The following NINL variants were observed in gnomAD, a reference collection of about 807,000 sequenced individuals.
NINL encodes the protein ninein like, also known as ninein-like protein.
NINL carries 153 observed loss-of-function variants against 160.3 expected under a neutral mutation model. The ratio of observed to expected loss-of-function variants is 0.95; its 90% confidence interval spans 0.84 to 1.09. The LOEUF (loss-of-function observed/expected upper bound fraction) is 1.09, where lower values mean the gene tolerates loss of function less well. NINL is among the 50% of genes least tolerant of loss of function. NINL has a pLI of 0.00. For synonymous variants in NINL, 800 were observed against 734.8 expected (o/e 1.09, Z -1.43); for missense variants, 1,829 against 1,764.0 (o/e 1.04, Z -0.66).
At chr20:25,544,253 C>T (rs1267666436) in intron 1 of NINL, among the ~76,000 whole-genome samples, 2 of 152,030 alleles carry the variant, frequency 1.3e-5, no homozygotes, top group Non-Finnish European at 2.9e-5. Context: ...CTGGCTCTGG[C>T]CTCACCAGCA....
chr20:25,498,489 C>G, intron 8 of NINL, 143 bp from the exon 9 acceptor site: 1 of 1,089,376 alleles, frequency 9.2e-7, no homozygotes, highest in Non-Finnish European at 1.3e-6. Context: ...AAGGTCTCTG[C>G]GTCTTGAGGG....
At chr20:25,493,293 C>A (rs554044825) in intron 10 of NINL, among the ~76,000 whole-genome samples, 8 of 152,102 alleles carry the variant, frequency 5.3e-5, no homozygotes, top group African/African-American at 1.9e-4. Flanking sequence ...AGGCTGTGCT[C>A]GGGAGAACGA....
intron 1 of NINL, among the ~76,000 whole-genome samples, chr20:25,581,432 A>G (rs2065174419): frequency 1.6e-5 from 2 of 122,748 alleles, no homozygotes; most frequent in Non-Finnish European, 3.3e-5. Context: ...ACAGAGCGAG[A>G]CTCCTTCTCA....
intron 13 of NINL, among the ~76,000 whole-genome samples, chr20:25,487,339 G>A (rs928191489): frequency 1.3e-5 from 2 of 152,152 alleles, no homozygotes; most frequent in Admixed American, 6.5e-5. Context: ...TTAAATGGCT[G>A]TTATTTGTGG....
rs2064277909 is a variant in NINL at position 25,522,319 on chromosome 20, G to A, written c.180+4089C>T. ...GTTTTTCTAGTAGTCCTCCTTGAAA[G>A]CTTGGCCTGAGTTAGCTCACTTGCC... On this transcript the variant is annotated intron_variant, in intron 2 of 23. Transcript: ENST00000278886. 2.6e-5 allele frequency among the ~76,000 whole-genome samples: 4 copies of A among 152,250 alleles called. No individual in the cohort carries two copies. In the South Asian group the frequency reaches 8.3e-4, roughly 32 times the overall value.
intron 1 of NINL, among the ~76,000 whole-genome samples, chr20:25,581,372 G>A (rs537763972): frequency 1.4e-4 from 21 of 151,694 alleles, no homozygotes; most frequent in African/African-American, 5.1e-4. Context: ...AACCCGGGAG[G>A]CAGAGATTGC....
intron 3 of NINL, among the ~76,000 whole-genome samples, chr20:25,516,485 A>C (rs1361869361): frequency 6.6e-6 from 1 of 152,186 alleles, no homozygotes; most frequent in Non-Finnish European, 1.5e-5. Flanking sequence ...ACAGGTTGAG[A>C]CAATTTTAAG....
chr20:25,560,768 G>A (rs560090231), intron 1 of NINL, among the ~76,000 whole-genome samples: 14 of 152,046 alleles, frequency 9.2e-5, no homozygotes, highest in African/African-American at 3.1e-4. Context: ...GCCCTACAAC[G>A]AAAGACAAGG....
rs1416886112 is a variant in NINL at position 25,498,265 on chromosome 20, T to C, written c.1114A>G (p.Ser372Gly). The C allele has an allele frequency of 2.5e-6, 4 of 1,613,234 alleles. No individual in the cohort carries two copies. In the African/African-American group the frequency reaches 5.3e-5, roughly 22 times the overall value. ...ALDNELMTVD[S>G]AVQQAALACY... ...GCCAGGGCTGCCTGCTGGACGGCAC[T>C]GTCCACTGTCATGAGCTCGTTGTCA... is the stretch of plus-strand genomic sequence containing the variant. The change falls in exon 9 of 24, where the codon AGT becomes GGT. Residue 372 changes from serine to glycine, a missense_variant. Physicochemically the swap from Ser to Gly is moderately conservative, Grantham distance 56 (BLOSUM62 0). Transcript: ENST00000278886.
At chr20:25,534,130 C>T (rs888664770) in intron 1 of NINL, among the ~76,000 whole-genome samples, 3 of 152,186 alleles carry the variant, frequency 2.0e-5, no homozygotes, top group African/African-American at 4.8e-5. Flanking sequence ...GACACCTGCA[C>T]GTTAGCTCAC....
At position 25,470,049 on chromosome 20, in the gene NINL, C is replaced by T. The variant is rs757630070; in HGVS notation, c.3295G>A (p.Asp1099Asn). 15 of 1,614,032 alleles carry T rather than the reference C, an allele frequency of 9.3e-6. No homozygotes were observed. In the East Asian group the frequency reaches 1.3e-4, roughly 14 times the overall value. The change falls in exon 18 of 24, where the codon GAT (aspartate) becomes AAT (asparagine). Residue 1099 changes from aspartate to asparagine, a missense_variant. By Grantham distance (23) the Asp-to-Asn change is conservative. Coordinates refer to ENST00000278886, the MANE Select transcript of NINL (RefSeq NM_025176.6). The stretch of plus-strand genomic sequence containing the variant: ...AGCTCTTGCCGAACCCTTCCCAGAT[C>T]GTTTTTCAACAAAGTGTTTTCTTCA... ...LSEENTLLKN[D>N]LGRVRQELEA...
Position 25,490,357 on chromosome 20 carries a change from A to G in NINL, c.1486-372T>C, listed in dbSNP as rs556325628. Among the ~76,000 whole-genome samples, 1,067 of 152,262 alleles carry G rather than the reference A, an allele frequency of 7.0e-3. 6 individuals are homozygous for G. The highest frequency in any genetic ancestry group is 0.027 in the Middle Eastern group (8 of 294). ...GGGCGGATCACAAGGTCAGGAGATC[A>G]AGACCATCCTGGCTAACATGGTGAA... On this transcript the variant is annotated intron_variant, in intron 11 of 23. Coordinates refer to ENST00000278886, the MANE Select transcript of NINL (RefSeq NM_025176.6).
intron 1 of NINL, among the ~76,000 whole-genome samples, chr20:25,575,720 G>A (rs2065107851): frequency 6.6e-6 from 1 of 152,020 alleles, no homozygotes; most frequent in African/African-American, 2.4e-5. Context: ...CATCCAGCCT[G>A]GGCGACAGAG....
At chr20:25,560,920 G>T (rs1250652584) in intron 1 of NINL, among the ~76,000 whole-genome samples, 1 of 151,900 alleles carries the variant, frequency 6.6e-6, no homozygotes, top group East Asian at 1.9e-4. Flanking sequence ...GCCACCAACA[G>T]ACCTGCTCTA....
At chr20:25,458,833 C>T in intron 21 of NINL, 1 of 375,060 alleles carries the variant, frequency 2.7e-6, no homozygotes, top group Non-Finnish European at 4.8e-6. Context: ...TTCCAGTGAA[C>T]CTTGCTGGGG....
At chr20:25,556,649 TAAAC>T (rs2064870170) in intron 1 of NINL, among the ~76,000 whole-genome samples, 2 of 151,222 alleles carry the variant, frequency 1.3e-5, no homozygotes, top group South Asian at 2.1e-4. Flanking sequence ...AGTAATTAAA[TAAAC>T]AAAATTAGCC....
At chr20:25,577,693 T>A (rs532635807) in intron 1 of NINL, among the ~76,000 whole-genome samples, 1 of 152,278 alleles carries the variant, frequency 6.6e-6, no homozygotes, top group Admixed American at 6.5e-5. Flanking sequence ...GAGGTCCTCT[T>A]TGTGAATAGA....
intron 3 of NINL, among the ~76,000 whole-genome samples, chr20:25,515,866 G>A (rs565116868): frequency 6.6e-6 from 1 of 152,234 alleles, no homozygotes; most frequent in South Asian, 2.1e-4. Flanking sequence ...CACGTCCCAG[G>A]TTCACACCAT....
intron 7 of NINL, among the ~76,000 whole-genome samples, chr20:25,503,190 C>T (rs2063900245): frequency 6.6e-6 from 1 of 151,728 alleles, no homozygotes; most frequent in Non-Finnish European, 1.5e-5. Context: ...TGAGCACTGC[C>T]TCCTGTAACC....
Sources: allele counts gnomAD v4.1 joint callset (sites outside exome capture counted in the v4.1 genomes callset), GRCh38; gene constraint gnomAD v4.1.1; transcripts MANE v1.5; gene names NCBI Gene and HGNC (gene_info 2026-07-23, HGNC 2026-07-21).